ANK1: variants seen among roughly 807,000 people sequenced by gnomAD.
ANK1 encodes the protein ankyrin 1, also known as ankyrin-1.
A neutral mutation model predicts 210.4 loss-of-function variants in ANK1; 51 were observed. The ratio of observed to expected loss-of-function variants is 0.24; its 90% CI spans 0.19 to 0.31. The LOEUF is 0.31. ANK1 is among the 10% of genes least tolerant of loss of function. The pLI is 1.00. For synonymous variants in ANK1, 967 were observed against 1,025.9 expected, an observed-to-expected ratio of 0.94 and a Z score of 1.10; for missense variants, 2,051 against 2,504.4, an observed-to-expected ratio of 0.82 and a Z score of 3.86.
chr8:41,724,636 A>G, intron 6 of ANK1, 82 bp from the exon 7 acceptor site: 1 of 1,308,780 alleles, frequency 7.6e-7, no homozygotes, highest in Non-Finnish European at 1.1e-6. Context: ...CAGGAAACTC[A>G]GGTGGGGCAA....
At chr8:41,705,568 G>T (rs538625919) in intron 18 of ANK1, among the ~76,000 whole-genome samples, 1 of 152,304 alleles carries the variant, frequency 6.6e-6, no homozygotes, top group Admixed American at 6.5e-5. Context: ...GTGGGGAAAA[G>T]AAACAAAATG....
chr8:41,805,572 C>T (rs77788808), intron 1 of ANK1, among the ~76,000 whole-genome samples: 1 of 152,028 alleles, frequency 6.6e-6, no homozygotes, highest in Non-Finnish European at 1.5e-5. Flanking sequence ...TTAAATGTGA[C>T]TTATATCTAG....
At chr8:41,693,865 C>G (rs768093486) in intron 29 of ANK1, 33 bp downstream of exon 29, 9 of 1,576,620 alleles carry the variant, frequency 5.7e-6, no homozygotes, top group African/African-American at 2.7e-5. Context: ...CTGCAGCAGC[C>G]GAGAACAGAA....
At chr8:41,688,051 G>T in intron 35 of ANK1, 105 bp downstream of exon 35, 1 of 1,329,550 alleles carries the variant, frequency 7.5e-7, no homozygotes, top group South Asian at 1.2e-5. Flanking sequence ...GATAACCCAC[G>T]GGTGATAAAA....
chr8:41,874,471 C>G lies in ANK1; in HGVS notation c.126+21884G>C, dbSNP rs555848025. Reference sequence around the variant, plus strand: ...TGGCTGCACTTTCGGGTCGCCTGCCCGCAGCCCCCAACCTCCTCCACCCCA... The same window carrying G: ...TGGCTGCACTTTCGGGTCGCCTGCCGGCAGCCCCCAACCTCCTCCACCCCA... On this transcript the variant is annotated intron_variant, in intron 1 of 42. Transcript: ENST00000265709. 6.6e-5 allele frequency among the ~76,000 whole-genome samples: 10 copies of G among 152,300 alleles called. No individual in the cohort carries two copies. The South Asian group carries it at 2.1e-3, about 32-fold the overall frequency.
intron 17 of ANK1, among the ~76,000 whole-genome samples, chr8:41,706,739 C>A (rs1824695477): frequency 6.6e-6 from 1 of 152,182 alleles, no homozygotes; most frequent in Non-Finnish European, 1.5e-5. Flanking sequence ...TATCATGGAT[C>A]CATCTCAGGG....
Position 41,880,604 on chromosome 8 carries a change from A to AG in ANK1, c.126+15750dup, listed in dbSNP as rs551173844. ...TGTGCCCCCAGGGCCAGTTCTTTGC[A>AG]GGGGGGCTGGTGTGGGCATCCACCA... On this transcript the variant is annotated intron_variant, in intron 1 of 42. Transcript: ENST00000265709. Among the ~76,000 whole-genome samples, 361 of 152,350 alleles carry AG rather than the reference A, an allele frequency of 2.4e-3. 1 individual carries two copies. The highest frequency in any genetic ancestry group is 8.2e-3 in the African/African-American group (341 of 41,582).
intron 1 of ANK1, among the ~76,000 whole-genome samples, chr8:41,844,961 G>A (rs911299953): frequency 5.9e-5 from 9 of 152,144 alleles, no homozygotes; most frequent in African/African-American, 1.7e-4. Flanking sequence ...GTCAGAGATG[G>A]AATCTGCACC....
At chr8:41,710,755 C>T (rs976680138) in intron 16 of ANK1, among the ~76,000 whole-genome samples, 2 of 152,224 alleles carry the variant, frequency 1.3e-5, no homozygotes, top group Non-Finnish European at 2.9e-5. Flanking sequence ...TTCTCCCTGC[C>T]AGCCACTCTC....
At chr8:41,746,836 A>G (rs1836274800) in intron 2 of ANK1, among the ~76,000 whole-genome samples, 1 of 151,550 alleles carries the variant, frequency 6.6e-6, no homozygotes, top group African/African-American at 2.4e-5. Flanking sequence ...TGGACTAGAA[A>G]GAGCATCTAT....
chr8:41,824,603 G>A (rs891143284), intron 1 of ANK1, among the ~76,000 whole-genome samples: 1 of 152,136 alleles, frequency 6.6e-6, no homozygotes, highest in Admixed American at 6.5e-5. Context: ...GGACAGGGGG[G>A]CATTCTATTC....
At chr8:41,712,438 T>C (rs1826411237) in intron 16 of ANK1, among the ~76,000 whole-genome samples, 1 of 152,198 alleles carries the variant, frequency 6.6e-6, no homozygotes, top group African/African-American at 2.4e-5. Flanking sequence ...CAAGTGCCAC[T>C]GTGACTCTCA....
At chr8:41,726,445 G>C (rs1830725365) in intron 5 of ANK1, among the ~76,000 whole-genome samples, 1 of 152,092 alleles carries the variant, frequency 6.6e-6, no homozygotes, top group African/African-American at 2.4e-5. Flanking sequence ...GTTGGAGTAT[G>C]GTGGTGCAAT....
At chr8:41,758,467 G>A (rs1021917562) in intron 1 of ANK1, among the ~76,000 whole-genome samples, 1 of 152,034 alleles carries the variant, frequency 6.6e-6, no homozygotes, top group African/African-American at 2.4e-5. Flanking sequence ...CAAGTAGCTG[G>A]GACTACAGGT....
Position 41,701,593 on chromosome 8 carries a change from G to T in ANK1, c.2418C>A (p.Phe806Leu), listed in dbSNP as rs1242672677. ...VLVSDKHRMS[F>L]PETVDEILDV... ...CCAGGATCTCATCAACTGTCTCAGG[G>T]AAACTCATTCGATGCTTATCACTGA... The change falls in exon 22 of 43, where the codon TTC (phenylalanine) becomes TTA (leucine). Residue 806 changes from phenylalanine (F) to leucine (L), a missense_variant. By Grantham distance (22) the Phe-to-Leu change is conservative (BLOSUM62 0). Around this residue, in one of 6 missense-constraint regions of ANK1, gnomAD observed 1,413 missense variants for 1,707.4 expected, o/e 0.83. Transcript: ENST00000289734. 1 of 1,614,120 alleles carries T rather than the reference G, an allele frequency of 6.2e-7. No individual in the cohort carries two copies. Among genetic ancestry groups the T allele is most frequent in the Non-Finnish European group, 8.5e-7 (1 of 1,180,020 alleles).
intron 17 of ANK1, among the ~76,000 whole-genome samples, chr8:41,708,389 T>C (rs1030418686): frequency 3.9e-5 from 6 of 152,176 alleles, no homozygotes; most frequent in Non-Finnish European, 7.3e-5. Flanking sequence ...TCAGTGTTTT[T>C]AAAAATATCT....
At chr8:41,822,923 G>A (rs935406610) in intron 1 of ANK1, among the ~76,000 whole-genome samples, 1 of 152,206 alleles carries the variant, frequency 6.6e-6, no homozygotes, top group South Asian at 2.1e-4. Flanking sequence ...GATCTGGGGC[G>A]CTCCGTGTGT....
At chr8:41,745,374 G>A (rs1004745409) in intron 2 of ANK1, among the ~76,000 whole-genome samples, 19 of 152,280 alleles carry the variant, frequency 1.2e-4, no homozygotes, top group African/African-American at 2.4e-4. Flanking sequence ...GGGATGTGCC[G>A]AATCAGGTCA....
chr8:41,769,525 G>A (rs897824159), intron 1 of ANK1, among the ~76,000 whole-genome samples: 3 of 152,084 alleles, frequency 2.0e-5, no homozygotes, highest in Admixed American at 1.3e-4. Context: ...AAAATTCCCC[G>A]CTCAGATGAG....
Sources: gnomAD v4.1 joint callset for allele counts (sites outside exome capture counted in the v4.1 genomes callset) on GRCh38, gnomAD v4.1.1 for gene constraint, gnomAD v4.1.1 regional missense constraint, MANE v1.5 for transcripts, NCBI Gene and HGNC (gene_info 2026-07-23, HGNC 2026-07-21) for gene names.